ATP8B4: variants seen among roughly 807,000 people sequenced by gnomAD.
The protein encoded by ATP8B4 is probable phospholipid-transporting ATPase IM.
Under a neutral mutation model 145.6 loss-of-function variants are expected in ATP8B4, and 133 were observed. That is an observed-to-expected ratio of 0.91 (90% CI 0.79 to 1.05). The LOEUF is 1.05. ATP8B4 is among the 50% of genes least tolerant of loss of function. The pLI, the probability that ATP8B4 is intolerant of heterozygous loss-of-function variation, is 0.00. For synonymous variants in ATP8B4, 507 were observed against 492.9 expected (o/e 1.03, Z -0.38); for missense variants, 1,458 against 1,425.2 (o/e 1.02, Z -0.37).
At chr15:50,106,455 C>G (rs2056686220) in intron 2 of ATP8B4, among the ~76,000 whole-genome samples, 1 of 152,170 alleles carries the variant, frequency 6.6e-6, no homozygotes, top group African/African-American at 2.4e-5. Context: ...CTATCATGAT[C>G]AAAATTATTT....
intron 1 of ATP8B4, among the ~76,000 whole-genome samples, chr15:50,171,394 C>T (rs927466293): frequency 1.3e-5 from 2 of 152,088 alleles, no homozygotes; most frequent in Non-Finnish European, 2.9e-5. Flanking sequence ...GAAATCAACT[C>T]CAAAAGGAAC....
intron 9 of ATP8B4, among the ~76,000 whole-genome samples, chr15:49,993,149 C>T (rs1218299583): frequency 2.0e-5 from 3 of 152,024 alleles, no homozygotes; most frequent in Non-Finnish European, 4.4e-5. Flanking sequence ...TGTTTTGCAT[C>T]TTGTACTTAG....
chr15:50,070,767 G>T (rs565392411), intron 3 of ATP8B4, among the ~76,000 whole-genome samples: 6 of 152,232 alleles, frequency 3.9e-5, no homozygotes, highest in South Asian at 2.1e-4. Flanking sequence ...TTGACATGGA[G>T]TCTCACTCTG....
chr15:50,050,732 T>TAATATGTTTTATATAAAACATATTA lies in ATP8B4; in HGVS notation c.88-3293_88-3269dup, dbSNP rs552801382. Among the ~76,000 whole-genome samples, 1,375 of 151,564 alleles carry TAATATGTTTTATATAAAACATATTA rather than the reference T, an allele frequency of 9.1e-3. 21 individuals are homozygous for TAATATGTTTTATATAAAACATATTA. The highest frequency in any genetic ancestry group is 0.029 in the African/African-American group (1,206 of 41,372). On this transcript the variant is annotated intron_variant, in intron 3 of 27. Coordinates refer to ENST00000284509, the MANE Select transcript of ATP8B4 (RefSeq NM_024837.4). Reference sequence around the variant, plus strand: ...TTAATGTTAACAATTTTTTCAGGTTTAATATGTTTTATATAAAACATATTA... The same window carrying TAATATGTTTTATATAAAACATATTA: ...TTAATGTTAACAATTTTTTCAGGTTTAATATGTTTTATATAAAACATATTAAATATGTTTTATATAAAACATATTA...
chr15:49,862,624 T>A (rs1247885413), intron 26 of ATP8B4, among the ~76,000 whole-genome samples: 1 of 151,784 alleles, frequency 6.6e-6, no homozygotes, highest in African/African-American at 2.4e-5. Context: ...GCCCGGCTAA[T>A]TTTTTTTGTA....
intron 6 of ATP8B4, among the ~76,000 whole-genome samples, chr15:50,037,957 C>T (rs1197012677): frequency 1.3e-5 from 2 of 152,218 alleles, no homozygotes; most frequent in African/African-American, 4.8e-5. Flanking sequence ...TTTTCCCTCA[C>T]ATATGGCTAA....
At chr15:50,017,140 A>G (rs528070751) in intron 6 of ATP8B4, among the ~76,000 whole-genome samples, 80 of 152,324 alleles carry the variant, frequency 5.3e-4, no homozygotes, top group African/African-American at 1.8e-3. Flanking sequence ...CCCCAATCCA[A>G]GTTTAAAACT....
intron 25 of ATP8B4, among the ~76,000 whole-genome samples, chr15:49,874,324 GA>G (rs1234041550): frequency 6.6e-6 from 1 of 152,194 alleles, no homozygotes; most frequent in African/African-American, 2.4e-5. Context: ...CCCCTCTGAA[GA>G]AATGACATGT....
At chr15:50,006,320 C>T (rs1013734931) in intron 7 of ATP8B4, among the ~76,000 whole-genome samples, 5 of 151,320 alleles carry the variant, frequency 3.3e-5, no homozygotes, top group East Asian at 1.9e-4. Flanking sequence ...ATATTTTACC[C>T]CCACTTTCTA....
chr15:49,897,561 A>G, intron 22 of ATP8B4, 46 bp from the exon 23 acceptor site: 3 of 1,407,730 alleles, frequency 2.1e-6, no homozygotes, highest in Non-Finnish European at 2.8e-6. Flanking sequence ...CAAAGCCACG[A>G]TCTCTTTTGG....
intron 6 of ATP8B4, among the ~76,000 whole-genome samples, chr15:50,011,275 T>A (rs2048706221): frequency 6.6e-6 from 1 of 152,254 alleles, no homozygotes; most frequent in East Asian, 1.9e-4. Flanking sequence ...GAAACATCAT[T>A]GCCATTGCCT....
chr15:50,089,403 A>C (rs1328572492), intron 2 of ATP8B4, among the ~76,000 whole-genome samples: 1 of 152,174 alleles, frequency 6.6e-6, no homozygotes, highest in Non-Finnish European at 1.5e-5. Flanking sequence ...AACACCCAGA[A>C]TCTATAAGGA....
intron 16 of ATP8B4, among the ~76,000 whole-genome samples, chr15:49,924,731 T>C (rs2153458656): frequency 6.6e-6 from 1 of 152,340 alleles, no homozygotes; most frequent in South Asian, 2.1e-4. Flanking sequence ...AGGTCTTGTC[T>C]TCTGTTTTAA....
At chr15:50,155,977 T>C (rs1351622977) in intron 1 of ATP8B4, among the ~76,000 whole-genome samples, 1 of 149,524 alleles carries the variant, frequency 6.7e-6, no homozygotes, top group Non-Finnish European at 1.5e-5. Flanking sequence ...GGCTAAACTT[T>C]CAATGTTTAT....
At chr15:49,947,813 TAA>T (rs1422149032) in intron 14 of ATP8B4, among the ~76,000 whole-genome samples, 7 of 151,816 alleles carry the variant, frequency 4.6e-5, no homozygotes, top group Non-Finnish European at 1.0e-4. Flanking sequence ...AACACAGAAA[TAA>T]ACCCACACAT....
chr15:50,155,153 C>T (rs1009228520), intron 1 of ATP8B4, among the ~76,000 whole-genome samples: 1 of 151,946 alleles, frequency 6.6e-6, no homozygotes, highest in African/African-American at 2.4e-5. Context: ...TAAGTAAGAA[C>T]CTTGAAGTTA....
intron 1 of ATP8B4, among the ~76,000 whole-genome samples, chr15:50,172,038 G>GT (rs2044681704): frequency 6.6e-6 from 1 of 152,168 alleles, no homozygotes; most frequent in South Asian, 2.1e-4. Flanking sequence ...ACACTGAACA[G>GT]TGAGATTGAA....
chr15:50,113,792 T>A (rs1020349798), intron 1 of ATP8B4, among the ~76,000 whole-genome samples: 1 of 127,134 alleles, frequency 7.9e-6, no homozygotes, highest in African/African-American at 3.2e-5. Context: ...TGAGCTGAGA[T>A]CATGCCATTG....
chr15:50,116,244 C>T (rs1412470240), intron 1 of ATP8B4, among the ~76,000 whole-genome samples: 2 of 151,994 alleles, frequency 1.3e-5, no homozygotes, highest in African/African-American at 4.8e-5. Context: ...ATAGTGAGAC[C>T]CTGTCTGTTC....
Sources: gnomAD v4.1 joint callset for allele counts (sites outside exome capture counted in the v4.1 genomes callset) on GRCh38, gnomAD v4.1.1 for gene constraint, MANE v1.5 for transcripts, NCBI Gene and HGNC (gene_info 2026-07-23, HGNC 2026-07-21) for gene names.